The following STX8 variants were observed in gnomAD, a reference collection of about 807,000 sequenced individuals.
STX8 encodes syntaxin 8.
STX8 carries 23 observed loss-of-function variants against 37.5 expected under a neutral mutation model. That is an observed-to-expected ratio of 0.61 (90% CI 0.44 to 0.87). The LOEUF is 0.87. Among genes scored for constraint, STX8 ranks in the 40% least tolerant of loss-of-function variants. STX8 has a pLI of 0.00. For missense variants in STX8, 313 were observed against 284.7 expected (o/e 1.10, Z -0.71); for synonymous variants, 115 against 99.1 (o/e 1.16, Z -0.95).
intron 7 of STX8, among the ~76,000 whole-genome samples, chr17:9,324,083 A>ATCCCTCTC: frequency 6.7e-6 from 1 of 148,252 alleles, no homozygotes; most frequent in Non-Finnish European, 1.5e-5. Flanking sequence ...GTCTCAGGGC[A>ATCCCTCTC]TCCCTCTCTC....
rs956681156 is a variant in STX8, at chr17:9,475,871, C to A, written c.541+15958G>T. Among the ~76,000 whole-genome samples the A allele has an allele frequency of 3.9e-5, 6 of 152,302 alleles. No individual in the cohort carries two copies. In the South Asian group the frequency reaches 8.3e-4, roughly 21 times the overall value. On this transcript the variant is annotated intron_variant, in intron 6 of 7. Coordinates refer to ENST00000306357, the MANE Select transcript of STX8 (RefSeq NM_004853.3). ...CCTGTCTTCCCACTCAAGAAAGAAG[C>A]CTTTCGGGTAAATAAACTTGCCTAA...
intron 2 of STX8, among the ~76,000 whole-genome samples, chr17:9,558,172 G>A (rs1026735506): frequency 6.6e-6 from 1 of 152,164 alleles, no homozygotes; most frequent in Non-Finnish European, 1.5e-5. Context: ...AGAAGAGGGC[G>A]AGAAGAGAGT....
chr17:9,291,349 G>T (rs1160064327), intron 7 of STX8, among the ~76,000 whole-genome samples: 1 of 151,038 alleles, frequency 6.6e-6, no homozygotes, highest in Non-Finnish European at 1.5e-5. Flanking sequence ...AGGAGGGAGG[G>T]AGGATCACCT....
rs140827384 is a variant in STX8, at chr17:9,370,310, C to G, written c.643+8242G>C. On this transcript the variant is annotated intron_variant, in intron 7 of 7. Coordinates refer to ENST00000306357, the MANE Select transcript of STX8 (RefSeq NM_004853.3). ...TCATTGTGCCACCTAACTGTTCTCA[C>G]TTAGTCTACAGAACAATCACATGTA... Among the ~76,000 whole-genome samples, 184 of 152,302 alleles carry G rather than the reference C, an allele frequency of 1.2e-3. 1 individual carries two copies. The East Asian group carries it at 0.014, about 11-fold the overall frequency.
chr17:9,324,124 T>TCACACACACA (rs1371111803), intron 7 of STX8, among the ~76,000 whole-genome samples: 2 of 134,172 alleles, frequency 1.5e-5, no homozygotes, highest in African/African-American at 5.2e-5. Context: ...TCTCTCTCTC[T>TCACACACACA]CTCACACACA....
In STX8 at chr17:9,311,738, C is replaced by T. The variant is rs946549511; in HGVS notation, c.644-61093G>A. On this transcript the variant is annotated intron_variant, in intron 7 of 7. Transcript: ENST00000306357. ...CTGCGAATGTGGATATTACATGTCC[C>T]TATCTCATTGGATGGTTGTGAGGAT... Among the ~76,000 whole-genome samples, 10 of 152,292 alleles carry T rather than the reference C, an allele frequency of 6.6e-5. No individual in the cohort carries two copies. In the East Asian group the frequency reaches 1.9e-3, roughly 29 times the overall value.
chr17:9,480,790 G>A (rs539536435), intron 6 of STX8, among the ~76,000 whole-genome samples: 7 of 152,332 alleles, frequency 4.6e-5, no homozygotes, highest in East Asian at 1.9e-4. Flanking sequence ...ACACAGCCAC[G>A]TAGAGAAAAC....
intron 2 of STX8, among the ~76,000 whole-genome samples, chr17:9,567,088 G>A (rs1446005744): frequency 6.6e-6 from 1 of 152,186 alleles, no homozygotes; most frequent in Non-Finnish European, 1.5e-5. Context: ...TGATATAAGA[G>A]AGAGCTAACT....
chr17:9,547,522 G>A (rs1906583173), intron 3 of STX8: 1 of 150,142 alleles, frequency 6.7e-6, no homozygotes, highest in South Asian at 2.1e-4. Context: ...CAGCTACGCA[G>A]GAGGCTGAGG....
At chr17:9,418,812 G>C (rs1416026477) in intron 6 of STX8, among the ~76,000 whole-genome samples, 1 of 102,110 alleles carries the variant, frequency 9.8e-6, no homozygotes, top group African/African-American at 3.7e-5. Context: ...GGGCGACAGA[G>C]CAAGACTCCG....
intron 7 of STX8, among the ~76,000 whole-genome samples, chr17:9,317,491 C>T (rs1351584097): frequency 2.0e-5 from 3 of 152,186 alleles, no homozygotes; most frequent in East Asian, 1.9e-4. Context: ...GTTGGCCGGG[C>T]GCGGTGGCTC....
At chr17:9,496,075 CTTTTT>C (rs10556314) in intron 5 of STX8, among the ~76,000 whole-genome samples, 4 of 137,988 alleles carry the variant, frequency 2.9e-5, no homozygotes, top group Admixed American at 7.2e-5. Context: ...TTTTCTTTCT[CTTTTT>C]TTTTTTTTTT....
chr17:9,250,503 T>C lies in STX8; in HGVS notation c.*75A>G, dbSNP rs893918486. 8.2e-6 allele frequency: 11 copies of C among 1,347,944 alleles called. No individual in the cohort carries two copies. Among genetic ancestry groups the C allele is most frequent in the Non-Finnish European group, 1.1e-5 (11 of 961,738 alleles). The allele number at this position is 1,347,944 out of a possible 1,614,324, so 83.5% of individuals were successfully genotyped here. A position where few individuals can be genotyped will look rare whatever the true frequency, so the allele number is the denominator to read the frequency against. On this transcript the variant is annotated 3_prime_UTR_variant, in exon 8 of 8. Transcript: ENST00000306357. Reference sequence around the variant, plus strand: ...TTTGGGGGAATTTATTGAGAGCAGGTTTTGCGTACCAAAAGGGTGTTGGGC... The same window carrying C: ...TTTGGGGGAATTTATTGAGAGCAGGCTTTGCGTACCAAAAGGGTGTTGGGC...
intron 7 of STX8, among the ~76,000 whole-genome samples, chr17:9,264,371 C>T (rs541401763): frequency 1.3e-5 from 2 of 152,306 alleles, no homozygotes; most frequent in East Asian, 3.9e-4. Context: ...GTGGCATGGT[C>T]ACGGCTCACT....
rs1233010886 is a variant in STX8, at chr17:9,274,733, T to A, written c.644-24088A>T. ...TAATAATAAACAAAGTCTTCAAAAA[T>A]ACAACAATTTCTTTTTTCTTTTTTT... On this transcript the variant is annotated intron_variant, in intron 7 of 7. Transcript: ENST00000306357. 3.0e-5 allele frequency among the ~76,000 whole-genome samples: 4 copies of A among 133,796 alleles called. 1 individual carries two copies. Among genetic ancestry groups the A allele is most frequent in the African/African-American group, 5.3e-5 (2 of 37,680 alleles). 87.8% of individuals were successfully genotyped at this position (133,796 alleles called of 152,430 possible).
Position 9,278,336 on chromosome 17 carries a change from C to A in STX8, c.644-27691G>T, listed in dbSNP as rs185959688. On this transcript the variant is annotated intron_variant, in intron 7 of 7. Transcript: ENST00000306357. Reference sequence around the variant, plus strand: ...GGCAGCACATGCCTGTTAATCCCAGCTACTCGGGAGGCTGAGACAGGAGAA... The same window carrying A: ...GGCAGCACATGCCTGTTAATCCCAGATACTCGGGAGGCTGAGACAGGAGAA... Among the ~76,000 whole-genome samples the A allele has an allele frequency of 9.8e-4, 149 of 152,292 alleles. No individual in the cohort carries two copies. The Middle Eastern group carries it at 0.014, about 14-fold the overall frequency.
At chr17:9,278,953 C>T (rs1163226835) in intron 7 of STX8, among the ~76,000 whole-genome samples, 2 of 152,198 alleles carry the variant, frequency 1.3e-5, no homozygotes, top group African/African-American at 2.4e-5. Context: ...GTCTATTGCA[C>T]ATCAAGCACT....
intron 5 of STX8, among the ~76,000 whole-genome samples, chr17:9,498,913 C>CT (rs1486706490): frequency 1.3e-5 from 2 of 152,182 alleles, no homozygotes; most frequent in Non-Finnish European, 2.9e-5. Context: ...AACAAGTACC[C>CT]TTGTTCCTTC....
chr17:9,298,612 G>A (rs1400145761), intron 7 of STX8, among the ~76,000 whole-genome samples: 2 of 152,162 alleles, frequency 1.3e-5, no homozygotes, highest in African/African-American at 2.4e-5. Flanking sequence ...AGGAGACTGA[G>A]ACCATCCTGG....
Sources: allele counts gnomAD v4.1 joint callset (sites outside exome capture counted in the v4.1 genomes callset), GRCh38; gene constraint gnomAD v4.1.1; transcripts MANE v1.5; gene names NCBI Gene and HGNC (gene_info 2026-07-23, HGNC 2026-07-21).